Variants in ZNF528 observed in about 807,000 individuals in gnomAD.
ZNF528 encodes the protein zinc finger protein 528.
ZNF528 carries 9 observed loss-of-function variants against 13.3 expected under a neutral mutation model. The observed-to-expected ratio is 0.67, with a 90% CI of 0.41 to 1.18. ZNF528 has a LOEUF of 1.18. ZNF528 is among the 50% of genes most tolerant of loss of function. The pLI is 0.01. For synonymous variants in ZNF528, 264 were observed against 254.3 expected (o/e 1.04, Z -0.36); for missense variants, 858 against 745.4 (o/e 1.15, Z -1.76).
At position 52,415,714 on chromosome 19, in the gene ZNF528, C is replaced by G; in HGVS notation, c.862C>G (p.Gln288Glu). ...AAGCAGTTCAAAGCTTGCACAACAT[C>G]AAAGAATTCATACTGGAGAGAAGCC... ...FRSSSKLAQH[Q>E]RIHTGEKPYK... is the part of the protein sequence containing the mutation. The change falls in exon 7 of 7, where the codon CAA (glutamine) becomes GAA (glutamate). Residue 288 changes from glutamine to glutamate, a missense_variant. Coordinates refer to ENST00000360465, the MANE Select transcript of ZNF528 (RefSeq NM_032423.3). 2 of 1,614,160 alleles carry G rather than the reference C, an allele frequency of 1.2e-6. No individual in the cohort carries two copies. The highest frequency in any genetic ancestry group is 8.5e-7 in the Non-Finnish European group (1 of 1,180,022).
Position 52,415,657 on chromosome 19 carries a change from T to A in ZNF528, c.805T>A (p.Tyr269Asn), listed in dbSNP as rs2058991244. The change falls in exon 7 of 7, where the codon TAC becomes AAC. Residue 269 changes from tyrosine (Y) to asparagine (N), a missense_variant. Coordinates refer to ENST00000360465, the MANE Select transcript of ZNF528 (RefSeq NM_032423.3). The part of the protein sequence containing the change: ...HQRIHTGEKP[Y>N]KCHECDKVFR... ...AAGAATTCATACTGGAGAGAAGCCT[T>A]ACAAATGTCATGAATGTGACAAGGT... is the stretch of plus-strand genomic sequence containing the variant. 1 of 1,614,188 alleles carries A rather than the reference T, an allele frequency of 6.2e-7. No homozygotes were observed.
At chr19:52,414,505 A>G in intron 6 of ZNF528, 1 of 576,846 alleles carries the variant, frequency 1.7e-6, no homozygotes, top group South Asian at 2.1e-5. Context: ...GGCTTGATTT[A>G]CAACAGGTTT....
In ZNF528 at chr19:52,415,198, C is replaced by T. The variant is rs1318690864; in HGVS notation, c.346C>T (p.His116Tyr). 3 of 1,613,724 alleles carry T rather than the reference C, an allele frequency of 1.9e-6. No individual in the cohort carries two copies. The highest frequency in any genetic ancestry group is 2.5e-6 in the Non-Finnish European group (3 of 1,179,900). Residue 116 changes from histidine (H) to tyrosine (Y), a missense_variant, in exon 7 of 7, where the codon CAT (histidine) becomes TAT (tyrosine). Physicochemically the swap from His to Tyr is moderately conservative, Grantham distance 83. Transcript: ENST00000360465. ...TCAACTTGGATTCACTTTTCAGTTA[C>T]ATCTGAGTGATCTACAGCTATTTCA... Reference protein sequence around the residue: ...KNQLGFTFQLHLSDLQLFQAE... With the variant: ...KNQLGFTFQLYLSDLQLFQAE...
At position 52,416,299 on chromosome 19, in the gene ZNF528, C is replaced by T. The variant is rs1424011199; in HGVS notation, c.1447C>T (p.His483Tyr). 6.2e-7 allele frequency: 1 copy of T among 1,614,060 alleles called. No homozygotes were observed. The highest frequency in any genetic ancestry group is 1.1e-5 in the South Asian group (1 of 91,074). ...VFRYKSSLTS[H>Y]HRIHTGEKPY... is the part of the protein sequence containing the mutation. ...CAGGTACAAGTCTTCTCTAACCAGT[C>T]ATCATAGAATTCATACTGGAGAGAA... The change falls in exon 7 of 7, where the codon CAT (histidine) becomes TAT (tyrosine). Residue 483 changes from histidine (H) to tyrosine (Y), a missense_variant. By Grantham distance (83) the His-to-Tyr change is moderately conservative (BLOSUM62 2). Transcript: ENST00000360465.
Position 52,416,847 on chromosome 19 carries a change from C to CA in ZNF528, c.*109dup. The CA allele has an allele frequency of 8.3e-7, 1 of 1,198,088 alleles. No homozygotes were observed. The highest frequency in any genetic ancestry group is 1.1e-6 in the Non-Finnish European group (1 of 871,262). 74.2% of individuals were successfully genotyped at this position (1,198,088 alleles called of 1,614,324 possible). A position where few individuals can be genotyped will look rare whatever the true frequency, so the allele number is the denominator to read the frequency against. On this transcript the variant is annotated 3_prime_UTR_variant, in exon 7 of 7. Transcript: ENST00000360465. Reference sequence around the variant, plus strand: ...TCATATAAATGAAATGTATGTGACACAGGCTTTATCAAGGCCTGCCAAATC... The same window carrying CA: ...TCATATAAATGAAATGTATGTGACACAAGGCTTTATCAAGGCCTGCCAAATC...
At chr19:52,405,262 G>A (rs186703643) in intron 4 of ZNF528, among the ~76,000 whole-genome samples, 120 of 151,214 alleles carry the variant, frequency 7.9e-4, no homozygotes, top group African/African-American at 2.7e-3. Flanking sequence ...TGGGTGTGGC[G>A]GCTCACACCT....
In ZNF528 at chr19:52,417,005, CTGATACTAATCTA is replaced by C. The variant is rs2059013184; in HGVS notation, c.*272_*284del. The stretch of plus-strand genomic sequence containing the variant: ...AAGAAGTAACTCTGTCTCTGGTTCT[CTGATACTAATCTA>C]TGATATTGCATGATGCAGAATAATG... On this transcript the variant is annotated 3_prime_UTR_variant, in exon 7 of 7. Transcript: ENST00000360465. 2.3e-6 allele frequency: 1 copy of C among 434,702 alleles called. No homozygotes were observed. Among genetic ancestry groups the C allele is most frequent in the African/African-American group, 1.9e-5 (1 of 51,390 alleles). 26.9% of individuals were successfully genotyped at this position (434,702 alleles called of 1,614,324 possible). A position where few individuals can be genotyped will look rare whatever the true frequency, so the allele number is the denominator to read the frequency against.
rs755241257 is a variant in ZNF528 at position 52,416,246 on chromosome 19, A to G, written c.1394A>G (p.Tyr465Cys). 3.7e-5 allele frequency: 60 copies of G among 1,613,932 alleles called. No individual in the cohort carries two copies. The highest frequency in any genetic ancestry group is 3.5e-4 in the South Asian group (32 of 91,068). ...HFLIHSGEKP[Y>C]ECKECGKVFR... Reference sequence around the variant, plus strand: ...CTAATCCATAGTGGAGAGAAACCTTATGAATGTAAAGAATGTGGCAAAGTC... The same window carrying G: ...CTAATCCATAGTGGAGAGAAACCTTGTGAATGTAAAGAATGTGGCAAAGTC... The change falls in exon 7 of 7, where the codon TAT becomes TGT. Residue 465 changes from tyrosine (Y) to cysteine (C), a missense_variant. By Grantham distance (194) the Tyr-to-Cys change is radical. Coordinates refer to ENST00000360465, the MANE Select transcript of ZNF528 (RefSeq NM_032423.3).
Position 52,415,448 on chromosome 19 carries a change from C to T in ZNF528, c.596C>T (p.Ala199Val). The T allele has an allele frequency of 6.2e-7, 1 of 1,614,204 alleles. No homozygotes were observed. Among genetic ancestry groups the T allele is most frequent in the Non-Finnish European group, 8.5e-7 (1 of 1,180,032 alleles). The change falls in exon 7 of 7, where the codon GCA becomes GTA. Residue 199 changes from alanine to valine, a missense_variant. Physicochemically the swap from Ala to Val is moderately conservative, Grantham distance 64. Transcript: ENST00000360465. The part of the protein sequence containing the change: ...NEHGQVFRAS[A>V]SLTNQVIHNA... ...CACGGCCAAGTCTTTAGAGCATCTGCAAGCCTTACTAACCAAGTAATCCAT... is the reference window on the plus strand; with the variant it reads ...CACGGCCAAGTCTTTAGAGCATCTGTAAGCCTTACTAACCAAGTAATCCAT...
intron 6 of ZNF528, among the ~76,000 whole-genome samples, chr19:52,407,496 C>T (rs1019605346): frequency 1.3e-5 from 2 of 151,748 alleles, no homozygotes; most frequent in African/African-American, 4.8e-5. Flanking sequence ...ATTCTTTTGG[C>T]TGGGCACGGT....
Position 52,397,923 on chromosome 19 carries a change from A to G in ZNF528, c.-390+19A>G, listed in dbSNP as rs935824527. 1.3e-5 allele frequency: 2 copies of G among 152,188 alleles called. No homozygotes were observed. Among genetic ancestry groups the G allele is most frequent in the Non-Finnish European group, 2.9e-5 (2 of 68,042 alleles). The allele number at this position is 152,188 out of a possible 1,614,324, so 9.4% of individuals were successfully genotyped here. On this transcript the variant is annotated intron_variant, in intron 1 of 6. Transcript: ENST00000360465. ...GCAGTGCGTGAGTTTCCCTTTGTCT[A>G]TGTTAAGTCTAGGCTAGCCAGTTCT...
At chr19:52,407,848 G>A (rs1357493914) in intron 6 of ZNF528, among the ~76,000 whole-genome samples, 2 of 152,038 alleles carry the variant, frequency 1.3e-5, no homozygotes, top group Non-Finnish European at 2.9e-5. Flanking sequence ...GAGTAGCTGG[G>A]ATTACAGACA....
chr19:52,406,424 A>G (rs1214870996), intron 5 of ZNF528, 91 bp from the exon 6 acceptor site: 1 of 1,506,604 alleles, frequency 6.6e-7, no homozygotes. Context: ...ACTATTTATG[A>G]TTTAATTATA....
chr19:52,402,834 T>G (rs1176120898), intron 4 of ZNF528, among the ~76,000 whole-genome samples: 2 of 152,192 alleles, frequency 1.3e-5, no homozygotes, highest in Non-Finnish European at 2.9e-5. Context: ...TTAATTAAAT[T>G]TTGTTAATAC....
At chr19:52,405,843 C>G in intron 4 of ZNF528, 64 bp from the exon 5 acceptor site, 1 of 1,587,852 alleles carries the variant, frequency 6.3e-7, no homozygotes. Context: ...GACTGTCTTC[C>G]CATTCTTTGT....
rs1411288465 is a variant in ZNF528 at position 52,401,250 on chromosome 19, C to T, written c.-136-435C>T. Among the ~76,000 whole-genome samples, 11 of 152,242 alleles carry T rather than the reference C, an allele frequency of 7.2e-5. No homozygotes were observed. The East Asian group carries it at 2.1e-3, about 29-fold the overall frequency. On this transcript the variant is annotated intron_variant, in intron 2 of 6. Coordinates refer to ENST00000360465, the MANE Select transcript of ZNF528 (RefSeq NM_032423.3). ...ACGTGTCCAAAATAGGCTTCCTGAA[C>T]TCCCCCAGACATGTTCTCCCTACAG...
chr19:52,403,659 CAAAAAAAAAA>C (rs398035018), intron 4 of ZNF528, among the ~76,000 whole-genome samples: 4 of 84,980 alleles, frequency 4.7e-5, no homozygotes, highest in East Asian at 3.8e-4. Context: ...GACTCCATCT[CAAAAAAAAAA>C]AAAAAAAAAA....
intron 6 of ZNF528, chr19:52,414,697 G>A (rs2058976926): frequency 2.7e-6 from 1 of 375,716 alleles, no homozygotes; most frequent in Admixed American, 3.9e-5. Flanking sequence ...GTGGAATGTT[G>A]AGCTGGTCAC....
intron 4 of ZNF528, 127 bp from the exon 5 acceptor site, chr19:52,405,780 T>C (rs1599822482): frequency 2.3e-6 from 3 of 1,280,248 alleles, no homozygotes; most frequent in East Asian, 5.1e-5. Context: ...GGCTCAAGAA[T>C]ACCTTAATAT....
Sources: allele counts gnomAD v4.1 joint callset (sites outside exome capture counted in the v4.1 genomes callset), GRCh38; gene constraint gnomAD v4.1.1; transcripts MANE v1.5; gene names NCBI Gene and HGNC (gene_info 2026-07-23, HGNC 2026-07-21).